The following CPLANE1 variants were observed in gnomAD, a reference collection of about 807,000 sequenced individuals.
CPLANE1 encodes ciliogenesis and planar polarity effector 1.
Under a neutral mutation model 362.5 loss-of-function variants are expected in CPLANE1, and 263 were observed. The ratio of observed to expected loss-of-function variants is 0.73; its 90% CI spans 0.66 to 0.80. The LOEUF (loss-of-function observed/expected upper bound fraction) is 0.80. Among genes scored for constraint, CPLANE1 ranks in the 30% least tolerant of loss-of-function variants. The probability of loss-of-function intolerance (pLI) is 0.00; values close to 1 mark genes in which losing one functional copy is unlikely to be tolerated. For missense variants in CPLANE1, 3,461 were observed against 3,793.4 expected (o/e 0.91, Z 2.30); for synonymous variants, 1,212 against 1,302.6 (o/e 0.93, Z 1.50).
the CPLANE1 span, among the ~76,000 whole-genome samples, chr5:37,077,588 TTGTG>T: frequency 3.9e-4 from 57 of 145,634 alleles, 1 homozygote; most frequent in African/African-American, 1.1e-3. Context: ...ATCAAGAAAC[TTGTG>T]TGTGTGTGTG....
chr5:37,198,364 C>T, intron 20 of CPLANE1, among the ~76,000 whole-genome samples: 1 of 152,048 alleles, frequency 6.6e-6, no homozygotes, highest in East Asian at 1.9e-4. Flanking sequence ...CCACAGAACA[C>T]AGACAACACC....
At chr5:37,092,984 G>C in the CPLANE1 span, among the ~76,000 whole-genome samples, 20 of 152,082 alleles carry the variant, frequency 1.3e-4, no homozygotes, top group African/African-American at 4.8e-4. Context: ...CTAGTGTCAT[G>C]GTACTAAGGA....
intron 24 of CPLANE1, among the ~76,000 whole-genome samples, chr5:37,186,063 T>A (rs917171864): frequency 6.6e-6 from 1 of 152,208 alleles, no homozygotes; most frequent in Non-Finnish European, 1.5e-5. Context: ...ATCGCACAGT[T>A]ACTGACTGAC....
chr5:37,234,026 A>C (rs1324531517), intron 8 of CPLANE1, among the ~76,000 whole-genome samples: 1 of 152,194 alleles, frequency 6.6e-6, no homozygotes, highest in Non-Finnish European at 1.5e-5. Flanking sequence ...AAGTATGCAA[A>C]ATCAAAGCCA....
At chr5:37,105,208 G>C (rs1757503058), downstream of CPLANE1, among the ~76,000 whole-genome samples, 1 of 152,042 alleles carries the variant, frequency 6.6e-6, no homozygotes, top group South Asian at 2.1e-4. Context: ...GTCGAGGTGG[G>C]AGGATCGCTT....
the CPLANE1 span, among the ~76,000 whole-genome samples, chr5:37,077,146 C>A: frequency 2.0e-5 from 3 of 151,944 alleles, no homozygotes; most frequent in Admixed American, 1.3e-4. Context: ...GAAGTTGGAC[C>A]CTTGCTTGGG....
chr5:37,205,017 C>T lies in CPLANE1; in HGVS notation c.3289+298G>A, dbSNP rs146127467. 3.6e-3 allele frequency among the ~76,000 whole-genome samples: 550 copies of T among 152,230 alleles called. 2 individuals carry two copies. The highest frequency in any genetic ancestry group is 0.012 in the African/African-American group (517 of 41,530). On this transcript the variant is annotated intron_variant, in intron 18 of 52. Transcript: ENST00000651892. ...ACAAACACTACAAAAATTAGCCGGA[C>T]GTGGTGGCCCACGCCTGTAATCCCA... is the stretch of plus-strand genomic sequence containing the variant.
chr5:37,220,586 C>T (rs1453321052), intron 15 of CPLANE1, among the ~76,000 whole-genome samples: 5 of 151,828 alleles, frequency 3.3e-5, no homozygotes, highest in Admixed American at 2.0e-4. Flanking sequence ...AGTGCAGTGG[C>T]GCTACCTTGG....
chr5:37,147,883 G>A (rs555005396), intron 43 of CPLANE1, among the ~76,000 whole-genome samples: 1 of 146,860 alleles, frequency 6.8e-6, no homozygotes, highest in South Asian at 2.1e-4. Flanking sequence ...AGCACTATGA[G>A]GCCAATGGCT....
chr5:37,153,797 A>G lies in CPLANE1; in HGVS notation c.8316T>C (p.Ala2772=). 1.5e-5 allele frequency: 24 copies of G among 1,614,120 alleles called. No homozygotes were observed. The highest frequency in any genetic ancestry group is 2.0e-5 in the Non-Finnish European group (24 of 1,179,992). Residue 2772 remains alanine, a synonymous_variant, in exon 42 of 53, where the codon GCT becomes GCC. Coordinates refer to ENST00000651892, the MANE Select transcript of CPLANE1 (RefSeq NM_001384732.1). Reference sequence around the variant, plus strand: ...TGGGGAAATCCTGTTCTATGTTTTCAGCAATGTTCTGTATTGCTAGCAACT... The same window carrying G: ...TGGGGAAATCCTGTTCTATGTTTTCGGCAATGTTCTGTATTGCTAGCAACT... The part of the protein sequence containing the change: ...DEQLLAIQNI[A]ENIEQDFPKP...
intron 43 of CPLANE1, 65 bp from the exon 44 acceptor site, chr5:37,142,545 A>T: frequency 9.2e-7 from 1 of 1,092,434 alleles, no homozygotes; most frequent in Non-Finnish European, 1.3e-6. Context: ...CATGGAAAAG[A>T]CAATTGCCAC....
rs187388074 is a variant in CPLANE1 at position 37,128,676 on chromosome 5, T to C, written c.8793-3267A>G. Among the ~76,000 whole-genome samples, 1,216 of 152,054 alleles carry C rather than the reference T, an allele frequency of 8.0e-3. 22 individuals are homozygous for C. The highest frequency in any genetic ancestry group is 0.028 in the African/African-American group (1,153 of 41,474). Reference sequence around the variant, plus strand: ...GAGCTCAAGACCAGCCTGGCCAACATGGCAAAAACCCATCTCTATTAAAAA... The same window carrying C: ...GAGCTCAAGACCAGCCTGGCCAACACGGCAAAAACCCATCTCTATTAAAAA... On this transcript the variant is annotated intron_variant, in intron 46 of 52. Coordinates refer to ENST00000651892, the MANE Select transcript of CPLANE1 (RefSeq NM_001384732.1).
Position 37,183,558 on chromosome 5 carries a change from C to T in CPLANE1, c.4623G>A (p.Trp1541Ter). 6.2e-7 allele frequency: 1 copy of T among 1,613,394 alleles called. No individual in the cohort carries two copies. The highest frequency in any genetic ancestry group is 8.5e-7 in the Non-Finnish European group (1 of 1,179,558). ...SQNTLPVIGV[W>*]EFERDDDEYI... ...ATTCATCATCATCACGTTCAAATTC[C>T]CAAACACCTATTACAGGAAGTGTAT... The change falls in exon 26 of 53, where the codon TGG becomes TGA. Residue 1541 changes from tryptophan (W) to a stop codon, truncating the protein, a stop_gained. Coordinates refer to ENST00000651892, the MANE Select transcript of CPLANE1 (RefSeq NM_001384732.1). LOFTEE classifies it high-confidence loss of function.
intron 44 of CPLANE1, chr5:37,140,687 G>A (rs1580098760): frequency 9.1e-6 from 9 of 985,356 alleles, no homozygotes; most frequent in Non-Finnish European, 1.1e-5. Context: ...TGAGATTAGC[G>A]AAGATGGTGA....
chr5:37,205,279 A>C, intron 18 of CPLANE1, 36 bp downstream of exon 18: 1 of 1,487,734 alleles, frequency 6.7e-7, no homozygotes, highest in Non-Finnish European at 9.0e-7. Flanking sequence ...GTTTATATTA[A>C]TCTGACACGA....
Position 37,183,706 on chromosome 5 carries a change from C to A in CPLANE1, c.4482-7G>T. 6.5e-7 allele frequency: 1 copy of A among 1,531,316 alleles called. No individual in the cohort carries two copies. Among genetic ancestry groups the A allele is most frequent in the Non-Finnish European group, 8.8e-7 (1 of 1,141,688 alleles). 94.9% of individuals were successfully genotyped at this position (1,531,316 alleles called of 1,614,324 possible). A position where few individuals can be genotyped will look rare whatever the true frequency, so the allele number is the denominator to read the frequency against. On this transcript the variant is annotated splice_region_variant and splice_polypyrimidine_tract_variant and intron_variant, in intron 25 of 52. Transcript: ENST00000651892. ...CATGTGATTTGGGGCATTTCTATAG[C>A]AAAAAAATAAAATAAGACAAAATTA...
Position 37,184,990 on chromosome 5 carries a change from C to T in CPLANE1, c.4279G>A (p.Gly1427Ser). ...TCCCATATATTCACTTCAAAAGAGCCTATATTTCTCTGCACACGTTTTAGA... is the reference window on the plus strand; with the variant it reads ...TCCCATATATTCACTTCAAAAGAGCTTATATTTCTCTGCACACGTTTTAGA... ...KALKRVQRNI[G>S]SFEVNIWEPI... Residue 1427 changes from glycine (G) to serine (S), a missense_variant, in exon 25 of 53, where the codon GGC becomes AGC. Physicochemically the swap from Gly to Ser is moderately conservative, Grantham distance 56. Transcript: ENST00000651892. 1 of 1,614,008 alleles carries T rather than the reference C, an allele frequency of 6.2e-7. No homozygotes were observed. Among genetic ancestry groups the T allele is most frequent in the South Asian group, 1.1e-5 (1 of 91,086 alleles).
intron 6 of CPLANE1, 47 bp downstream of exon 6, chr5:37,242,966 A>T: frequency 7.3e-7 from 1 of 1,375,406 alleles, no homozygotes; most frequent in Non-Finnish European, 1.0e-6. Flanking sequence ...TGCCTCCAAA[A>T]GAAAAAAAAA....
intron 21 of CPLANE1, among the ~76,000 whole-genome samples, chr5:37,189,265 A>G (rs1235890490): frequency 6.6e-6 from 1 of 152,226 alleles, no homozygotes; most frequent in Non-Finnish European, 1.5e-5. Flanking sequence ...CAAAAAGAAC[A>G]GTTTGACATT....
Sources: gnomAD v4.1 joint callset for allele counts (sites outside exome capture counted in the v4.1 genomes callset) on GRCh38, gnomAD v4.1.1 for gene constraint, MANE v1.5 for transcripts, NCBI Gene and HGNC (gene_info 2026-07-23, HGNC 2026-07-21) for gene names.